Variants in CSMD3 observed in about 807,000 individuals in gnomAD.
CSMD3 encodes the protein CUB and sushi domain-containing protein 3.
Under a neutral mutation model 435.2 loss-of-function variants are expected in CSMD3, and 177 were observed. The observed-to-expected ratio is 0.41, with a 90% CI of 0.36 to 0.46. The LOEUF (loss-of-function observed/expected upper bound fraction) is 0.46. Ranked by LOEUF, CSMD3 falls within the 20% of genes least tolerant of loss-of-function variation. The pLI, the probability that CSMD3 is intolerant of heterozygous loss-of-function variation, is 0.34. For missense variants in CSMD3, 4,265 were observed against 4,504.6 expected, an observed-to-expected ratio of 0.95 and a Z score of 1.52; for synonymous variants, 1,656 against 1,520.5, an observed-to-expected ratio of 1.09 and a Z score of -2.07.
chr8:112,822,805 T>C (rs1226670337), intron 12 of CSMD3, among the ~76,000 whole-genome samples: 2 of 152,282 alleles, frequency 1.3e-5, no homozygotes, highest in African/African-American at 4.8e-5. Flanking sequence ...TTTTGAGATA[T>C]GTTCCATTAA....
chr8:112,833,502 T>A (rs1203340990), intron 11 of CSMD3, among the ~76,000 whole-genome samples: 1 of 152,080 alleles, frequency 6.6e-6, no homozygotes, highest in African/African-American at 2.4e-5. Context: ...TGTAAATTAT[T>A]TTTAGTTTCT....
chr8:112,493,538 C>G (rs1820911851), intron 30 of CSMD3, among the ~76,000 whole-genome samples: 3 of 152,044 alleles, frequency 2.0e-5, no homozygotes, highest in African/African-American at 7.2e-5. Context: ...ATAGGTCTCC[C>G]ATTGTAAAAT....
At chr8:113,134,303 G>A (rs1397376666) in intron 4 of CSMD3, among the ~76,000 whole-genome samples, 1 of 152,014 alleles carries the variant, frequency 6.6e-6, no homozygotes, top group African/African-American at 2.4e-5. Context: ...GCTTCATGTA[G>A]GCTTGAGGCT....
chr8:112,441,899 G>C (rs1815064348), intron 32 of CSMD3, among the ~76,000 whole-genome samples: 1 of 151,920 alleles, frequency 6.6e-6, no homozygotes, highest in Admixed American at 6.6e-5. Flanking sequence ...GATGAAATTT[G>C]GTGGGGACAC....
chr8:112,361,086 G>T (rs1038867220), intron 38 of CSMD3, among the ~76,000 whole-genome samples: 1 of 151,820 alleles, frequency 6.6e-6, no homozygotes, highest in Admixed American at 6.6e-5. Flanking sequence ...GAATTTTTTT[G>T]TAGAAATGTG....
At chr8:113,224,835 T>C (rs1290483387) in intron 3 of CSMD3, among the ~76,000 whole-genome samples, 7 of 151,182 alleles carry the variant, frequency 4.6e-5, no homozygotes, top group Non-Finnish European at 1.5e-5. Flanking sequence ...CTCATTTACC[T>C]TTGATTATTA....
At chr8:112,652,244 T>A (rs948300490) in intron 18 of CSMD3, among the ~76,000 whole-genome samples, 3 of 152,136 alleles carry the variant, frequency 2.0e-5, no homozygotes, top group African/African-American at 7.2e-5. Context: ...TTAGGCTTTG[T>A]CTCATAGGAA....
intron 10 of CSMD3, among the ~76,000 whole-genome samples, chr8:112,867,869 G>C (rs1379751345): frequency 1.3e-5 from 2 of 151,884 alleles, no homozygotes; most frequent in Non-Finnish European, 2.9e-5. Context: ...ACTATAAATT[G>C]TTTTTTAAAA....
intron 2 of CSMD3, chr8:113,309,774 G>A (rs1904218): frequency 0.33 from 49,530 of 152,062 alleles, 10,006 homozygotes; most frequent in Non-Finnish European, 0.47. Context: ...TGGATATTGT[G>A]ATAGATTTTG....
At chr8:113,255,443 G>A (rs1437381088) in intron 3 of CSMD3, among the ~76,000 whole-genome samples, 2 of 152,004 alleles carry the variant, frequency 1.3e-5, no homozygotes, top group African/African-American at 4.8e-5. Flanking sequence ...ACTATGAGGA[G>A]TTAAAAATAC....
Position 112,231,574 on chromosome 8 carries a change from T to C in CSMD3, c.10799A>G (p.Asp3600Gly), listed in dbSNP as rs768606491. 1 of 1,611,920 alleles carries C rather than the reference T, an allele frequency of 6.2e-7. No homozygotes were observed. The highest frequency in any genetic ancestry group is 8.5e-7 in the Non-Finnish European group (1 of 1,178,308). The part of the protein sequence containing the change: ...YVFQGFIQGK[D>G]YGQFGLQRLG... The stretch of plus-strand genomic sequence containing the variant: ...TCTTTGTAGGCCAAATTGTCCATAA[T>C]CTTTGCCTTGAATAAATCCTTGAAA... Residue 3600 changes from aspartate (D) to glycine (G), a missense_variant, in exon 69 of 71, where the codon GAT becomes GGT. Around this residue, in one of 3 missense-constraint regions of CSMD3, gnomAD observed 3,255 missense variants for 3,380.2 expected, o/e 0.96. Coordinates refer to ENST00000297405, the MANE Select transcript of CSMD3 (RefSeq NM_198123.2).
intron 3 of CSMD3, among the ~76,000 whole-genome samples, chr8:113,243,048 T>C (rs1464044361): frequency 6.6e-6 from 1 of 151,900 alleles, no homozygotes; most frequent in Non-Finnish European, 1.5e-5. Flanking sequence ...TTTGAAGTTA[T>C]TAAAGCAATT....
intron 5 of CSMD3, among the ~76,000 whole-genome samples, chr8:113,095,345 ACT>A (rs993993866): frequency 1.4e-4 from 21 of 152,118 alleles, no homozygotes; most frequent in Admixed American, 2.6e-4. Context: ...TTGTCCCAAC[ACT>A]CTTTCTTGCA....
chr8:112,317,108 A>T (rs894121499), intron 47 of CSMD3, among the ~76,000 whole-genome samples: 90 of 152,056 alleles, frequency 5.9e-4, no homozygotes, highest in Admixed American at 3.8e-3. Context: ...ATTCTAAAGG[A>T]TGATTTATTA....
chr8:112,893,589 G>A (rs565531208), intron 10 of CSMD3, among the ~76,000 whole-genome samples: 1 of 151,560 alleles, frequency 6.6e-6, no homozygotes, highest in South Asian at 2.1e-4. Context: ...TTTAATCCCT[G>A]TTTCTCTGAC....
chr8:112,645,133 T>C lies in CSMD3; in HGVS notation c.3286A>G (p.Thr1096Ala). ...CCTTTTCCATGGGTTACATCAACAG[T>C]CCATGTACAATTCAGAGAATTTGGA... ...FYPNSLNCTW[T>A]VDVTHGKGVQ... The change falls in exon 20 of 71, where the codon ACT becomes GCT. Residue 1096 changes from threonine to alanine, a missense_variant. Physicochemically the swap from Thr to Ala is moderately conservative, Grantham distance 58. Transcript: ENST00000297405. 6.3e-7 allele frequency: 1 copy of C among 1,587,204 alleles called. No homozygotes were observed. Among genetic ancestry groups the C allele is most frequent in the South Asian group, 1.1e-5 (1 of 90,496 alleles).
chr8:113,080,385 T>C (rs1475024601), intron 5 of CSMD3, among the ~76,000 whole-genome samples: 3 of 152,204 alleles, frequency 2.0e-5, no homozygotes, highest in Non-Finnish European at 4.4e-5. Flanking sequence ...ATGAATTCAA[T>C]AATTATTTCA....
chr8:113,407,092 G>A (rs892013637), intron 1 of CSMD3, among the ~76,000 whole-genome samples: 1 of 152,096 alleles, frequency 6.6e-6, no homozygotes, highest in Non-Finnish European at 1.5e-5. Flanking sequence ...AACTATACAA[G>A]CTGAAATCAT....
At chr8:112,354,629 A>G (rs1055264005) in intron 38 of CSMD3, among the ~76,000 whole-genome samples, 2 of 152,220 alleles carry the variant, frequency 1.3e-5, no homozygotes, top group African/African-American at 4.8e-5. Flanking sequence ...ACATGTAGCA[A>G]TACATCTTAT....
Sources: gnomAD v4.1 joint callset for allele counts (sites outside exome capture counted in the v4.1 genomes callset) on GRCh38, gnomAD v4.1.1 for gene constraint, gnomAD v4.1.1 regional missense constraint, MANE v1.5 for transcripts, NCBI Gene and HGNC (gene_info 2026-07-23, HGNC 2026-07-21) for gene names.